The following MYPN variants were observed in gnomAD, a reference collection of about 807,000 sequenced individuals.
The protein encoded by MYPN is sarcomeric protein myopalladin, 145 kDa (MYOP).
In MYPN, 63 loss-of-function variants were observed where a neutral mutation model predicts 129.4. That is an observed-to-expected ratio of 0.49 (90% CI 0.40 to 0.60). The LOEUF (loss-of-function observed/expected upper bound fraction) is 0.60. Among genes scored for constraint, MYPN ranks in the 20% least tolerant of loss-of-function variants. The probability of loss-of-function intolerance (pLI) is 0.00; values close to 1 mark genes in which losing one functional copy is unlikely to be tolerated. For synonymous variants in MYPN, 629 were observed against 600.9 expected (o/e 1.05, Z -0.68); for missense variants, 1,596 against 1,635.4 (o/e 0.98, Z 0.42).
At chr10:68,149,947 T>C in intron 5 of MYPN, 93 bp from the exon 6 acceptor site, 1 of 1,226,924 alleles carries the variant, frequency 8.2e-7, no homozygotes, top group Middle Eastern at 1.9e-4. Context: ...TTGGGATGCA[T>C]TTCATATACC....
At chr10:68,102,761 A>G (rs970661180), upstream of MYPN, among the ~76,000 whole-genome samples, 1 of 152,214 alleles carries the variant, frequency 6.6e-6, no homozygotes, top group South Asian at 2.1e-4. Context: ...TACAATTAAA[A>G]AAAAGAAAAT....
chr10:68,140,092 T>C (rs1219858913), intron 2 of MYPN, among the ~76,000 whole-genome samples: 1 of 152,066 alleles, frequency 6.6e-6, no homozygotes, highest in Non-Finnish European at 1.5e-5. Context: ...GTCTGACTCA[T>C]GAGAAGGACC....
In MYPN at chr10:68,211,689, T is replaced by C; in HGVS notation, c.*1234T>C. 2.2e-6 allele frequency: 1 copy of C among 454,142 alleles called. No individual in the cohort carries two copies. Among genetic ancestry groups the C allele is most frequent in the South Asian group, 1.6e-5 (1 of 64,478 alleles). The allele number at this position is 454,142 out of a possible 1,614,324, so 28.1% of individuals were successfully genotyped here. Reference sequence around the variant, plus strand: ...ACAAAGTAGACATTCAATAAATATTTGCTGGTTGAATGAATCTTCTGTTAT... The same window carrying C: ...ACAAAGTAGACATTCAATAAATATTCGCTGGTTGAATGAATCTTCTGTTAT... On this transcript the variant is annotated 3_prime_UTR_variant, in exon 20 of 20. Transcript: ENST00000358913.
intron 1 of MYPN, among the ~76,000 whole-genome samples, chr10:68,117,471 AG>A (rs1222376675): frequency 2.0e-5 from 3 of 152,090 alleles, no homozygotes; most frequent in African/African-American, 7.2e-5. Context: ...TACCCAACTC[AG>A]GGAAGAGAAG....
Position 68,121,961 on chromosome 10 carries a change from C to T in MYPN, c.523C>T (p.Pro175Ser). ...ATCCCACAGCTCCAAAAGGATTAGA[C>T]CTCGTGCCTGCAAAAACCACAAGAG... is the stretch of plus-strand genomic sequence containing the variant. ...FKSHSSKRIR[P>S]RACKNHKSKL... is the part of the protein sequence containing the mutation. Residue 175 changes from proline (P) to serine (S), a missense_variant, in exon 2 of 20, where the codon CCT becomes TCT. Coordinates refer to ENST00000358913, the MANE Select transcript of MYPN (RefSeq NM_032578.4). 1 of 1,614,210 alleles carries T rather than the reference C, an allele frequency of 6.2e-7. No individual in the cohort carries two copies.
Position 68,141,324 on chromosome 10 carries a change from G to A in MYPN, c.903-1616G>A, listed in dbSNP as rs144148065. ...GCAGAGGTTGCAGTGAGTGGAGATC[G>A]GACCACTGCACTCCAATCTGGTGAC... On this transcript the variant is annotated intron_variant, in intron 2 of 19. Coordinates refer to ENST00000358913, the MANE Select transcript of MYPN (RefSeq NM_032578.4). Among the ~76,000 whole-genome samples the A allele has an allele frequency of 3.5e-4, 53 of 150,938 alleles. 2 individuals carry two copies. Among genetic ancestry groups the A allele is most frequent in the East Asian group, 1.2e-3 (6 of 5,138 alleles).
At position 68,123,520 on chromosome 10, in the gene MYPN, C is replaced by CAAA. The variant is rs56730644; in HGVS notation, c.902+1194_902+1196dup. ...TGAAACCCGGTCTCTACTAAAAATA[C>CAAA]AAAAAAAAAAAAAAAATTAGCCAAG... On this transcript the variant is annotated intron_variant, in intron 2 of 19. Transcript: ENST00000358913. Among the ~76,000 whole-genome samples the CAAA allele has an allele frequency of 5.0e-3, 586 of 118,080 alleles. 6 individuals carry two copies. Among genetic ancestry groups the CAAA allele is most frequent in the African/African-American group, 0.015 (506 of 34,542 alleles). 77.5% of individuals were successfully genotyped at this position (118,080 alleles called of 152,430 possible). A position where few individuals can be genotyped will look rare whatever the true frequency, so the allele number is the denominator to read the frequency against.
At chr10:68,170,762 A>C (rs987246040) in intron 10 of MYPN, among the ~76,000 whole-genome samples, 1 of 152,172 alleles carries the variant, frequency 6.6e-6, no homozygotes, top group Admixed American at 6.6e-5. Flanking sequence ...AGCTTTTAAA[A>C]AACATTTATG....
chr10:68,128,658 C>A (rs189749703), intron 2 of MYPN, among the ~76,000 whole-genome samples: 1 of 152,226 alleles, frequency 6.6e-6, no homozygotes, highest in African/African-American at 2.4e-5. Flanking sequence ...AATTCCATAA[C>A]TGTTTATATA....
In MYPN at chr10:68,210,424, C is replaced by T; in HGVS notation, c.3932C>T (p.Ser1311Phe). 1 of 1,614,186 alleles carries T rather than the reference C, an allele frequency of 6.2e-7. No individual in the cohort carries two copies. ...MESTMVYSCS[S>F]RSVVESDEL ...AGCACGATGGTGTATTCATGCTCTT[C>T]TCGGAGTGTAGTGGAGAGTGATGAA... Residue 1311 changes from serine to phenylalanine, a missense_variant, in exon 20 of 20, where the codon TCT (serine) becomes TTT (phenylalanine). Coordinates refer to ENST00000358913, the MANE Select transcript of MYPN (RefSeq NM_032578.4).
chr10:68,144,644 T>A (rs139596802), intron 3 of MYPN, among the ~76,000 whole-genome samples: 2 of 151,574 alleles, frequency 1.3e-5, no homozygotes, highest in African/African-American at 4.8e-5. Flanking sequence ...ATTGCTGGGT[T>A]TTTTTTTTCT....
At chr10:68,206,735 G>A (rs757497615) in intron 18 of MYPN, 35 bp from the exon 19 acceptor site, 56 of 1,613,718 alleles carry the variant, frequency 3.5e-5, no homozygotes, top group Admixed American at 2.0e-4. Context: ...TCTGCCCCCC[G>A]ATAAAATATA....
rs1222207318 is a variant in MYPN, at chr10:68,210,842, G to A, written c.*387G>A. The A allele has an allele frequency of 6.5e-6, 3 of 458,732 alleles. No individual in the cohort carries two copies. The highest frequency in any genetic ancestry group is 4.0e-5 in the African/African-American group (2 of 50,158). The allele number at this position is 458,732 out of a possible 1,614,324, so 28.4% of individuals were successfully genotyped here. A position where few individuals can be genotyped will look rare whatever the true frequency, so the allele number is the denominator to read the frequency against. Reference sequence around the variant, plus strand: ...GAAGAGCTAGGCAGTAGTGACCTTAGGATATGACTAACTCACCAAACAATG... The same window carrying A: ...GAAGAGCTAGGCAGTAGTGACCTTAAGATATGACTAACTCACCAAACAATG... On this transcript the variant is annotated 3_prime_UTR_variant, in exon 20 of 20. Transcript: ENST00000358913.
rs373049187 is a variant in MYPN at position 68,173,832 on chromosome 10, AT to A, written c.1974-220del. Among the ~76,000 whole-genome samples the A allele has an allele frequency of 0.025, 2,010 of 81,826 alleles. 47 individuals are homozygous for A. Among genetic ancestry groups the A allele is most frequent in the African/African-American group, 0.065 (1,850 of 28,624 alleles). 53.7% of individuals were successfully genotyped at this position (81,826 alleles called of 152,430 possible). A position where few individuals can be genotyped will look rare whatever the true frequency, so the allele number is the denominator to read the frequency against. The stretch of plus-strand genomic sequence containing the variant: ...TCTGGCTAATATATATGTATATATA[AT>A]TTTTTTTTTTTTTGTTAGAGACGGG... On this transcript the variant is annotated intron_variant, in intron 10 of 19. Transcript: ENST00000358913.
intron 2 of MYPN, among the ~76,000 whole-genome samples, chr10:68,137,618 T>C (rs1187207842): frequency 1.3e-5 from 2 of 152,192 alleles, no homozygotes; most frequent in African/African-American, 4.8e-5. Flanking sequence ...TAAAATCACA[T>C]TTGTTAATAT....
chr10:68,100,129 G>C (rs1477346523), intron 1 of MYPN, among the ~76,000 whole-genome samples: 2 of 152,096 alleles, frequency 1.3e-5, no homozygotes, highest in Non-Finnish European at 2.9e-5. Flanking sequence ...AACCACAGTA[G>C]CATATAATTT....
intron 2 of MYPN, among the ~76,000 whole-genome samples, chr10:68,123,268 T>C (rs1048877716): frequency 6.6e-6 from 1 of 151,904 alleles, no homozygotes; most frequent in African/African-American, 2.4e-5. Context: ...ATGCCAACTA[T>C]TCAGGTGGCT....
intron 8 of MYPN, chr10:68,165,439 G>A (rs1395203178): frequency 1.7e-5 from 9 of 515,272 alleles, no homozygotes; most frequent in Admixed American, 1.6e-4. Flanking sequence ...GCAACAGAGC[G>A]AGACTCCACC....
chr10:68,174,102 C>A lies in MYPN; in HGVS notation c.2010C>A (p.Val670=). Residue 670 remains valine (V), a synonymous_variant, in exon 11 of 20, where the codon GTC becomes GTA. Coordinates refer to ENST00000358913, the MANE Select transcript of MYPN (RefSeq NM_032578.4). ...AGTTACAACAGCTTCATAACCAAGT[C>A]TTACTGGAACAACACCAATTGCAAA... ...STQLQQLHNQ[V]LLEQHQLQNP... 1 of 1,614,138 alleles carries A rather than the reference C, an allele frequency of 6.2e-7. No homozygotes were observed. Among genetic ancestry groups the A allele is most frequent in the Non-Finnish European group, 8.5e-7 (1 of 1,180,004 alleles).
Sources: allele counts gnomAD v4.1 joint callset (sites outside exome capture counted in the v4.1 genomes callset), GRCh38; gene constraint gnomAD v4.1.1; transcripts MANE v1.5; gene names NCBI Gene and HGNC (gene_info 2026-07-23, HGNC 2026-07-21).